The following NUP93 variants were observed in gnomAD, a reference collection of about 807,000 sequenced individuals.
NUP93 encodes the protein nuclear pore complex protein Nup93.
A neutral mutation model predicts 107.8 loss-of-function variants in NUP93; 55 were observed. The observed-to-expected ratio is 0.51, with a 90% confidence interval of 0.41 to 0.64. The LOEUF is 0.64. Among genes scored for constraint, NUP93 ranks in the 30% least tolerant of loss-of-function variants. NUP93 has a pLI of 0.00. For synonymous variants in NUP93, 390 were observed against 397.5 expected (o/e 0.98, Z 0.22); for missense variants, 937 against 1,044.7 (o/e 0.90, Z 1.42).
chr16:56,795,958 A>T (rs1199194022), intron 3 of NUP93, among the ~76,000 whole-genome samples: 2 of 151,950 alleles, frequency 1.3e-5, no homozygotes, highest in Non-Finnish European at 2.9e-5. Context: ...TGGAGTCTTT[A>T]AGAGGGAACT....
intron 4 of NUP93, 58 bp from the exon 5 acceptor site, chr16:56,805,446 A>T: frequency 5.6e-6 from 9 of 1,603,772 alleles, no homozygotes; most frequent in Non-Finnish European, 5.1e-6. Flanking sequence ...TTGGGTCTTA[A>T]ACCATGTTTT....
intron 7 of NUP93, among the ~76,000 whole-genome samples, chr16:56,823,196 C>T (rs1963584649): frequency 6.6e-6 from 1 of 152,140 alleles, no homozygotes; most frequent in African/African-American, 2.4e-5. Context: ...GGCTGTGACG[C>T]TCACCAAGTA....
At chr16:56,743,304 C>T (rs1163150287) in intron 1 of NUP93, among the ~76,000 whole-genome samples, 3 of 151,790 alleles carry the variant, frequency 2.0e-5, no homozygotes, top group Non-Finnish European at 2.9e-5. Flanking sequence ...GTTGATATGC[C>T]CTAAAGGGAC....
At chr16:56,827,039 C>T (rs371066829) in intron 8 of NUP93, among the ~76,000 whole-genome samples, 343 of 13,786 alleles carry the variant, frequency 0.025, 3 homozygotes, top group African/African-American at 0.11. Flanking sequence ...AATGAGACTC[C>T]GTCTCAAAAA....
chr16:56,775,634 A>G (rs1373739743), intron 3 of NUP93, among the ~76,000 whole-genome samples: 2 of 152,238 alleles, frequency 1.3e-5, no homozygotes, highest in Non-Finnish European at 2.9e-5. Flanking sequence ...TTTTAAAACC[A>G]TTTGCCTGTC....
intron 1 of NUP93, among the ~76,000 whole-genome samples, chr16:56,745,313 A>G (rs1021909553): frequency 6.6e-6 from 1 of 152,094 alleles, no homozygotes; most frequent in Non-Finnish European, 1.5e-5. Flanking sequence ...CACCCATGAA[A>G]GGAGTGGAGA....
At chr16:56,805,400 G>A in intron 4 of NUP93, 104 bp from the exon 5 acceptor site, 1 of 1,240,642 alleles carries the variant, frequency 8.1e-7, no homozygotes. Flanking sequence ...CTCTACCTAT[G>A]GAGAAGTGGT....
intron 5 of NUP93, among the ~76,000 whole-genome samples, chr16:56,806,074 T>C (rs1196277839): frequency 6.7e-6 from 1 of 149,186 alleles, no homozygotes; most frequent in East Asian, 2.0e-4. Flanking sequence ...TTGGCTCTGC[T>C]TGTGTGTCTC....
chr16:56,773,128 TG>T (rs1449940422), intron 3 of NUP93, among the ~76,000 whole-genome samples: 1 of 152,182 alleles, frequency 6.6e-6, no homozygotes, highest in Non-Finnish European at 1.5e-5. Flanking sequence ...AGGTTTGAGG[TG>T]AGAGTTGCAA....
intron 5 of NUP93, among the ~76,000 whole-genome samples, chr16:56,806,522 T>C (rs760134874): frequency 1.3e-5 from 2 of 152,164 alleles, no homozygotes. Flanking sequence ...ATCAGGGTAT[T>C]GGCCGAGGCT....
At chr16:56,735,027 C>T (rs1253121561) in intron 1 of NUP93, among the ~76,000 whole-genome samples, 1 of 152,136 alleles carries the variant, frequency 6.6e-6, no homozygotes, top group African/African-American at 2.4e-5. Flanking sequence ...TTAGATTATA[C>T]AAATAAAGCC....
intron 4 of NUP93, 134 bp from the exon 5 acceptor site, chr16:56,805,370 T>A: frequency 1.1e-6 from 1 of 933,488 alleles, no homozygotes; most frequent in African/African-American, 1.7e-5. Flanking sequence ...AAAGATAATT[T>A]TTAAAGTAGA....
chr16:56,848,473 T>C lies in NUP93; in HGVS notation c.*3864T>C, dbSNP rs1964140826. 6.6e-6 allele frequency: 1 copy of C among 152,256 alleles called. No homozygotes were observed. Among genetic ancestry groups the C allele is most frequent in the East Asian group, 1.9e-4 (1 of 5,202 alleles). The allele number at this position is 152,256 out of a possible 1,614,324, so 9.4% of individuals were successfully genotyped here. ...CATTAAACAGGAGTTGTCTAAACTG[T>C]GGAAGAAAATATCCCCCATTCTTTA... On this transcript the variant is annotated 3_prime_UTR_variant, in exon 22 of 22. Transcript: ENST00000308159.
intron 3 of NUP93, among the ~76,000 whole-genome samples, chr16:56,788,852 C>G (rs769505312): frequency 1.3e-4 from 20 of 152,184 alleles, no homozygotes; most frequent in Non-Finnish European, 2.8e-4. Context: ...TCATGCATCT[C>G]TGGTCTCCTC....
At chr16:56,731,286 T>C (rs1308550064) in intron 1 of NUP93, among the ~76,000 whole-genome samples, 1 of 152,168 alleles carries the variant, frequency 6.6e-6, no homozygotes, top group South Asian at 2.1e-4. Flanking sequence ...TCCCCTTCAT[T>C]ACTCTCCCCA....
chr16:56,828,642 T>C (rs1963718252), intron 8 of NUP93, among the ~76,000 whole-genome samples: 1 of 152,206 alleles, frequency 6.6e-6, no homozygotes, highest in South Asian at 2.1e-4. Context: ...GTGTTCAAAA[T>C]AAAAAGTTTA....
chr16:56,777,998 T>C (rs1489889656), intron 3 of NUP93, among the ~76,000 whole-genome samples: 2 of 152,224 alleles, frequency 1.3e-5, no homozygotes, highest in Admixed American at 6.5e-5. Context: ...ATAATTCGAA[T>C]AAATACAAAT....
intron 8 of NUP93, among the ~76,000 whole-genome samples, chr16:56,826,013 T>A (rs1452459268): frequency 6.6e-6 from 1 of 152,174 alleles, no homozygotes; most frequent in African/African-American, 2.4e-5. Context: ...TGTGAAAATA[T>A]AGGATTGGTC....
At chr16:56,834,023 AG>A in intron 13 of NUP93, 104 bp from the exon 14 acceptor site, 1 of 1,502,232 alleles carries the variant, frequency 6.7e-7, no homozygotes. Context: ...ACTGGGCTGC[AG>A]GAGTAGATGC....
Sources: allele counts gnomAD v4.1 joint callset (sites outside exome capture counted in the v4.1 genomes callset), GRCh38; gene constraint gnomAD v4.1.1; transcripts MANE v1.5; gene names NCBI Gene and HGNC (gene_info 2026-07-23, HGNC 2026-07-21).